Variants in RP1 observed in about 807,000 individuals in gnomAD.
RP1 encodes the protein RP1 axonemal microtubule associated.
A neutral mutation model predicts 14.8 loss-of-function variants in RP1; 16 were observed. The ratio of observed to expected loss-of-function variants is 1.08; its 90% confidence interval spans 0.73 to 1.65. RP1 has a LOEUF of 1.65. Ranked by LOEUF, RP1 falls within the 40% of genes most tolerant of loss-of-function variation. The pLI, the probability that RP1 is intolerant of heterozygous loss-of-function variation, is 0.00. For synonymous variants in RP1, 876 were observed against 883.6 expected, an observed-to-expected ratio of 0.99 and a Z score of 0.15; for missense variants, 2,631 against 2,535.0, an observed-to-expected ratio of 1.04 and a Z score of -0.81.
chr8:54,832,680 C>T (rs1811560017), intron 24 of RP1, among the ~76,000 whole-genome samples: 2 of 151,790 alleles, frequency 1.3e-5, no homozygotes, highest in African/African-American at 4.8e-5. Context: ...TGATTGCATA[C>T]TAGACCTTGT....
intron 1 of RP1, chr8:54,561,051 G>A (rs1278200851): frequency 5.3e-5 from 8 of 151,128 alleles, no homozygotes; most frequent in African/African-American, 2.0e-4. Context: ...ACCACACAGT[G>A]TAAATGGGTG....
chr8:54,672,621 T>C (rs1807202933), intron 7 of RP1, among the ~76,000 whole-genome samples: 1 of 152,226 alleles, frequency 6.6e-6, no homozygotes, highest in African/African-American at 2.4e-5. Context: ...TTGTCGATGT[T>C]TAAATCTGTA....
intron 1 of RP1, among the ~76,000 whole-genome samples, chr8:54,562,586 A>T (rs1804311088): frequency 6.6e-6 from 1 of 152,026 alleles, no homozygotes; most frequent in East Asian, 1.9e-4. Flanking sequence ...AAGCAGAAGA[A>T]TCGATTGAAC....
chr8:54,701,858 C>A (rs1460727287), intron 14 of RP1, among the ~76,000 whole-genome samples: 1 of 152,052 alleles, frequency 6.6e-6, no homozygotes, highest in African/African-American at 2.4e-5. Flanking sequence ...CAATGACACT[C>A]TGAGGGGATT....
chr8:54,724,510 T>TCTA (rs1171566970), intron 16 of RP1, among the ~76,000 whole-genome samples: 1 of 152,186 alleles, frequency 6.6e-6, no homozygotes, highest in African/African-American at 2.4e-5. Context: ...CATCTCTACC[T>TCTA]AGACAGCTCT....
intron 25 of RP1, among the ~76,000 whole-genome samples, chr8:54,837,864 A>C (rs1811699999): frequency 6.6e-6 from 1 of 152,250 alleles, no homozygotes; most frequent in African/African-American, 2.4e-5. Flanking sequence ...ATATGGAAAC[A>C]AATGATGTGG....
chr8:54,560,959 T>G (rs1327265868), intron 1 of RP1: 1 of 151,988 alleles, frequency 6.6e-6, no homozygotes, highest in Non-Finnish European at 1.5e-5. Flanking sequence ...CCCCTCGGCA[T>G]TGGAGACAGG....
chr8:54,846,436 T>C (rs1455373644), intron 25 of RP1, among the ~76,000 whole-genome samples: 1 of 152,230 alleles, frequency 6.6e-6, no homozygotes, highest in East Asian at 1.9e-4. Flanking sequence ...GTATTGCGTG[T>C]GATGGAAATA....
chr8:54,811,732 C>T (rs180801354), intron 24 of RP1, among the ~76,000 whole-genome samples: 17 of 152,144 alleles, frequency 1.1e-4, no homozygotes, highest in Admixed American at 3.3e-4. Flanking sequence ...GTTGGGTGTG[C>T]GAAACATTCA....
intron 24 of RP1, among the ~76,000 whole-genome samples, chr8:54,791,406 C>T (rs1810462959): frequency 6.6e-6 from 1 of 151,956 alleles, no homozygotes; most frequent in South Asian, 2.1e-4. Flanking sequence ...ATATATGAAA[C>T]TTGTTGTAAA....
intron 24 of RP1, among the ~76,000 whole-genome samples, chr8:54,806,577 A>G (rs749546737): frequency 6.6e-6 from 1 of 152,164 alleles, no homozygotes; most frequent in East Asian, 1.9e-4. Context: ...CATGAATGCA[A>G]TTCATAAAGT....
At chr8:54,648,842 C>A in intron 3 of RP1, 6 of 490,718 alleles carry the variant, frequency 1.2e-5, no homozygotes, top group Non-Finnish European at 1.7e-5. Context: ...AAATATAAAT[C>A]TTCTGTTATG....
At chr8:54,850,353 T>G (rs150244576) in intron 25 of RP1, among the ~76,000 whole-genome samples, 1 of 152,356 alleles carries the variant, frequency 6.6e-6, no homozygotes, top group African/African-American at 2.4e-5. Context: ...GTATTCTAGC[T>G]AATTTTAAGT....
At chr8:54,735,144 T>C (rs762567885) in intron 18 of RP1, among the ~76,000 whole-genome samples, 1 of 152,194 alleles carries the variant, frequency 6.6e-6, no homozygotes, top group Non-Finnish European at 1.5e-5. Flanking sequence ...GGTCTGAAAT[T>C]ATTTTCTTTT....
intron 1 of RP1, among the ~76,000 whole-genome samples, chr8:54,572,408 T>A (rs776283322): frequency 2.5e-4 from 38 of 152,206 alleles, no homozygotes; most frequent in Non-Finnish European, 4.0e-4. Context: ...CCTATGAAAT[T>A]AGAAGTAATT....
At position 54,853,760 on chromosome 8, in the gene RP1, G is replaced by T. The variant is rs578161022; in HGVS notation, c.3990+1032G>T. 7.7e-4 allele frequency among the ~76,000 whole-genome samples: 103 copies of T among 134,438 alleles called. 1 individual carries two copies. The Middle Eastern group carries it at 0.019, about 25-fold the overall frequency. The allele number at this position is 134,438 out of a possible 152,430, so 88.2% of individuals were successfully genotyped here. On this transcript the variant is annotated intron_variant, in intron 26 of 28. Transcript: ENST00000637698. ...AGAGAGAAAGAAAGAAAGAGAGAGA[G>T]AAAGAAAGAGAAAGGAAGGAAGAGA...
At chr8:54,633,248 C>G (rs1384725709), downstream of RP1, among the ~76,000 whole-genome samples, 1 of 152,040 alleles carries the variant, frequency 6.6e-6, no homozygotes, top group Non-Finnish European at 1.5e-5. Flanking sequence ...TAGAGGCACT[C>G]AAAAATGCCA....
chr8:54,691,430 C>A (rs979567205), intron 12 of RP1, among the ~76,000 whole-genome samples: 2 of 151,938 alleles, frequency 1.3e-5, no homozygotes, highest in Non-Finnish European at 2.9e-5. Flanking sequence ...GATTTGAAAG[C>A]TAGGAATGTG....
intron 24 of RP1, among the ~76,000 whole-genome samples, chr8:54,808,545 A>G (rs544318222): frequency 5.3e-5 from 8 of 152,314 alleles, no homozygotes; most frequent in Non-Finnish European, 1.0e-4. Flanking sequence ...CTCTTAGCCT[A>G]TTTTATGGGA....
Sources: gnomAD v4.1 joint callset for allele counts (sites outside exome capture counted in the v4.1 genomes callset) on GRCh38, gnomAD v4.1.1 for gene constraint, MANE v1.5 for transcripts, NCBI Gene and HGNC (gene_info 2026-07-23, HGNC 2026-07-21) for gene names.